Variants in KLF8 observed in about 807,000 individuals in gnomAD.
KLF8 encodes Krueppel-like factor 8.
A neutral mutation model predicts 18.2 loss-of-function variants in KLF8; 10 were observed. That is an observed-to-expected ratio of 0.55 (90% CI 0.34 to 0.93). The LOEUF (loss-of-function observed/expected upper bound fraction) is 0.93. Among genes scored for constraint, KLF8 ranks in the 40% least tolerant of loss-of-function variants. KLF8 has a pLI of 0.02. For synonymous variants in KLF8, 109 were observed against 97.3 expected, an observed-to-expected ratio of 1.12 and a Z score of -0.71; for missense variants, 264 against 277.9, an observed-to-expected ratio of 0.95 and a Z score of 0.36.
At chrX:56,188,053 G>A in the KLF8 span, among the ~76,000 whole-genome samples, 2 of 110,806 alleles carry the variant, frequency 1.8e-5, no homozygotes, top group African/African-American at 6.6e-5. Context: ...GAAATAAAGG[G>A]TATTCAATTA....
the KLF8 span, among the ~76,000 whole-genome samples, chrX:55,996,926 G>T: frequency 8.9e-6 from 1 of 112,245 alleles, no homozygotes; most frequent in Non-Finnish European, 1.9e-5. Context: ...GTGGGGCAGG[G>T]CAGTCATGGT....
At chrX:56,086,508 C>T in the KLF8 span, among the ~76,000 whole-genome samples, 14 of 109,988 alleles carry the variant, frequency 1.3e-4, no homozygotes, top group Non-Finnish European at 2.1e-4. Flanking sequence ...ATATGAGGAG[C>T]TTAGAGATGA....
At chrX:56,053,557 T>G in the KLF8 span, among the ~76,000 whole-genome samples, 436 of 105,949 alleles carry the variant, frequency 4.1e-3, 2 homozygotes, top group Middle Eastern at 9.5e-3. Context: ...TTTTTTTTTT[T>G]GGGGAATAGT....
At chrX:55,952,524 A>C in the KLF8 span, among the ~76,000 whole-genome samples, 6 of 112,058 alleles carry the variant, frequency 5.4e-5, no homozygotes, top group Non-Finnish European at 9.4e-5. Context: ...AGGCTGCATC[A>C]CTTCCACCTC....
At chrX:55,938,175 C>A in the KLF8 span, among the ~76,000 whole-genome samples, 1 of 112,088 alleles carries the variant, frequency 8.9e-6, no homozygotes, top group African/African-American at 3.2e-5. Context: ...CAGGTGATCT[C>A]TCGGCAGAAG....
chrX:55,939,332 G>A, the KLF8 span, among the ~76,000 whole-genome samples: 10 of 111,102 alleles, frequency 9.0e-5, no homozygotes, highest in South Asian at 3.8e-4. Context: ...ACCAACGAGA[G>A]CAAAGACACA....
At chrX:56,137,698 C>A in the KLF8 span, among the ~76,000 whole-genome samples, 1 of 105,937 alleles carries the variant, frequency 9.4e-6, no homozygotes, top group Admixed American at 1.0e-4. Flanking sequence ...CACATGTATA[C>A]ATATGTAACT....
At chrX:56,245,741 T>C (rs1471841776) in intron 1 of KLF8, among the ~76,000 whole-genome samples, 2 of 112,496 alleles carry the variant, frequency 1.8e-5, no homozygotes, top group African/African-American at 6.5e-5. Context: ...CCAGGCCATA[T>C]ATACTATAAC....
the KLF8 span, among the ~76,000 whole-genome samples, chrX:56,200,371 A>G: frequency 3.6e-5 from 4 of 109,604 alleles, no homozygotes; most frequent in East Asian, 8.3e-4. Flanking sequence ...TAAAAATATA[A>G]CTAAGTATTT....
the KLF8 span, among the ~76,000 whole-genome samples, chrX:55,943,290 A>ATT: frequency 9.1e-6 from 1 of 110,363 alleles, no homozygotes; most frequent in Non-Finnish European, 1.9e-5. Flanking sequence ...CGAAATAAAA[A>ATT]TTTGGGAATC....
the KLF8 span, among the ~76,000 whole-genome samples, chrX:56,163,042 C>T: frequency 8.9e-6 from 1 of 112,227 alleles, no homozygotes; most frequent in South Asian, 3.7e-4. Flanking sequence ...GCAAATAGTG[C>T]TGCAGTAAAC....
the KLF8 span, chrX:55,962,439 A>G: frequency 2.9e-5 from 7 of 241,439 alleles, no homozygotes; most frequent in South Asian, 5.4e-5. Flanking sequence ...ACCTTCAGCA[A>G]CATGGGCTAC....
chrX:55,944,575 G>A, the KLF8 span, among the ~76,000 whole-genome samples: 4 of 111,578 alleles, frequency 3.6e-5, no homozygotes, highest in East Asian at 5.6e-4. Flanking sequence ...TGTATGTGTC[G>A]AGGAATTTAT....
the KLF8 span, among the ~76,000 whole-genome samples, chrX:56,097,457 GT>G: frequency 9.3e-6 from 1 of 107,469 alleles, no homozygotes; most frequent in Non-Finnish European, 1.9e-5. Context: ...AGGGTCTCAG[GT>G]AGCTGGGATT....
At chrX:56,174,223 G>A in the KLF8 span, among the ~76,000 whole-genome samples, 1 of 111,767 alleles carries the variant, frequency 8.9e-6, no homozygotes, top group South Asian at 3.7e-4. Flanking sequence ...TAGGATATTG[G>A]CTGTGGGTTT....
At chrX:56,266,141 G>A (rs45560443) in intron 3 of KLF8, 138,878 of 762,088 alleles carry the variant, frequency 0.18, 9,536 homozygotes, top group Non-Finnish European at 0.2. Context: ...ATCCACCCTC[G>A]GACTTTTCAG....
At chrX:56,054,307 AC>A in the KLF8 span, among the ~76,000 whole-genome samples, 1 of 110,954 alleles carries the variant, frequency 9.0e-6, no homozygotes, top group African/African-American at 3.3e-5. Context: ...ATTAGTCTGA[AC>A]AAACTTTTTG....
At chrX:55,957,450 G>A in the KLF8 span, among the ~76,000 whole-genome samples, 9 of 111,905 alleles carry the variant, frequency 8.0e-5, no homozygotes, top group African/African-American at 2.6e-4. Flanking sequence ...TTTTTATAAG[G>A]ATTGCATTGA....
chrX:56,023,784 T>A, the KLF8 span, among the ~76,000 whole-genome samples: 1 of 111,459 alleles, frequency 9.0e-6, no homozygotes, highest in Non-Finnish European at 1.9e-5. Context: ...AGGTCTTTAC[T>A]CCCCCTTTTC....
Sources: gnomAD v4.1 joint callset for allele counts (sites outside exome capture counted in the v4.1 genomes callset) on GRCh38, gnomAD v4.1.1 for gene constraint, MANE v1.5 for transcripts, NCBI Gene and HGNC (gene_info 2026-07-23, HGNC 2026-07-21) for gene names.